Variants in PIGZ observed in about 807,000 individuals in gnomAD.
PIGZ encodes the protein phosphatidylinositol glycan anchor biosynthesis class Z (Gwada blood group), also known as GPI alpha-1,2-mannosyltransferase 4.
A neutral mutation model predicts 16.4 loss-of-function variants in PIGZ; 16 were observed. That is an observed-to-expected ratio of 0.97 (90% confidence interval 0.66 to 1.48). The LOEUF is 1.48. Among genes scored for constraint, PIGZ ranks in the 40% most tolerant of loss-of-function variants. The pLI is 0.00. For synonymous variants in PIGZ, 409 were observed against 338.4 expected (o/e 1.21, Z -2.29); for missense variants, 770 against 739.2 (o/e 1.04, Z -0.48).
At chr3:196,960,731 A>AAG (rs1208940748) in intron 1 of PIGZ, among the ~76,000 whole-genome samples, 13 of 103,238 alleles carry the variant, frequency 1.3e-4, no homozygotes, top group Admixed American at 8.2e-4. Flanking sequence ...AAAGAAAAGA[A>AAG]AGAAAGAGAA....
At chr3:196,959,590 C>T (rs1050906911) in intron 1 of PIGZ, among the ~76,000 whole-genome samples, 3 of 152,212 alleles carry the variant, frequency 2.0e-5, no homozygotes, top group African/African-American at 2.4e-5. Flanking sequence ...CCAACCAAAA[C>T]TCCCTTGAAA....
chr3:196,962,226 T>A (rs1446419563), intron 1 of PIGZ, among the ~76,000 whole-genome samples: 1 of 152,180 alleles, frequency 6.6e-6, no homozygotes, highest in East Asian at 1.9e-4. Context: ...GTTAATGGAT[T>A]TAGGGCTGTG....
At chr3:196,958,434 C>A (rs969795906) in intron 1 of PIGZ, among the ~76,000 whole-genome samples, 4 of 152,172 alleles carry the variant, frequency 2.6e-5, no homozygotes, top group Non-Finnish European at 4.4e-5. Flanking sequence ...AGTTCAAGAC[C>A]AGCCTGGCCA....
Position 196,947,961 on chromosome 3 carries a change from G to A in PIGZ, c.936C>T (p.His312=), listed in dbSNP as rs61729254. The A allele has an allele frequency of 1.5e-4, 242 of 1,611,268 alleles. 2 individuals carry two copies. The African/African-American group carries it at 1.6e-3, about 11-fold the overall frequency. ...TGACTGCCAGGTGAGTGAGCCGCGC[G>A]TGCGTGCCATGTCTCGCCAGGTTTT... ...NPQNLARHGT[H]ARLTHLAVNG... is the part of the protein sequence containing the mutation. The change falls in exon 3 of 3, where the codon CAC becomes CAT. Residue 312 remains histidine, a synonymous_variant. Coordinates refer to ENST00000412723, the MANE Select transcript of PIGZ (RefSeq NM_025163.4).
intron 1 of PIGZ, among the ~76,000 whole-genome samples, chr3:196,966,778 C>A (rs963646488): frequency 1.3e-5 from 2 of 152,238 alleles, no homozygotes; most frequent in African/African-American, 4.8e-5. Flanking sequence ...AACCACCCAC[C>A]TTAACCTAAT....
chr3:196,964,239 C>T (rs1321591371), intron 1 of PIGZ, among the ~76,000 whole-genome samples: 3 of 151,202 alleles, frequency 2.0e-5, no homozygotes, highest in East Asian at 1.9e-4. Context: ...TTAGTAGAGA[C>T]GAGGTTTCAC....
intron 2 of PIGZ, chr3:196,951,555 A>G (rs766050851): frequency 3.4e-5 from 18 of 524,742 alleles, no homozygotes; most frequent in Admixed American, 9.6e-5. Context: ...CTCATTCTGA[A>G]TGACCTGTAT....
chr3:196,947,712 G>C lies in PIGZ; in HGVS notation c.1185C>G (p.Leu395=). The C allele has an allele frequency of 6.2e-7, 1 of 1,613,352 alleles. No individual in the cohort carries two copies. The highest frequency in any genetic ancestry group is 8.5e-7 in the Non-Finnish European group (1 of 1,179,656). The change falls in exon 3 of 3, where the codon CTC becomes CTG. Residue 395 remains leucine (L), a synonymous_variant. Coordinates refer to ENST00000412723, the MANE Select transcript of PIGZ (RefSeq NM_025163.4). ...TACAAAGCAGGACCAGGGGGACCAG[G>C]AGGGGAATCAGGAACCGAGCCTCCT... ...SHQEARFLIP[L]LVPLVLLCSP...
At chr3:196,951,038 A>G (rs1362890152) in intron 2 of PIGZ, among the ~76,000 whole-genome samples, 2 of 152,216 alleles carry the variant, frequency 1.3e-5, no homozygotes, top group Non-Finnish European at 2.9e-5. Context: ...GAGCCACTGC[A>G]TCTGACTCCT....
rs114437158 is a variant in PIGZ at position 196,947,082 on chromosome 3, C to T, written c.*75G>A. On this transcript the variant is annotated 3_prime_UTR_variant, in exon 3 of 3. Coordinates refer to ENST00000412723, the MANE Select transcript of PIGZ (RefSeq NM_025163.4). ...ACGGGGTCCTGTCCCAGCGTCCCAGCCCAGCTACCCAAGTAGAAGGTGGGG... is the reference window on the plus strand; with the variant it reads ...ACGGGGTCCTGTCCCAGCGTCCCAGTCCAGCTACCCAAGTAGAAGGTGGGG... 2.6e-5 allele frequency: 36 copies of T among 1,393,656 alleles called. No individual in the cohort carries two copies. Among genetic ancestry groups the T allele is most frequent in the Non-Finnish European group, 3.4e-5 (35 of 1,028,398 alleles). The allele number at this position is 1,393,656 out of a possible 1,614,324, so 86.3% of individuals were successfully genotyped here.
intron 1 of PIGZ, among the ~76,000 whole-genome samples, chr3:196,955,647 G>A (rs1000261185): frequency 6.8e-6 from 1 of 146,976 alleles, no homozygotes; most frequent in Non-Finnish European, 1.5e-5. Flanking sequence ...CATGATCTTG[G>A]CTCACTGCAA....
Position 196,948,249 on chromosome 3 carries a change from A to C in PIGZ, c.648T>G (p.Leu216=). The change falls in exon 3 of 3, where the codon CTT becomes CTG. Residue 216 remains leucine (L), a synonymous_variant. Coordinates refer to ENST00000412723, the MANE Select transcript of PIGZ (RefSeq NM_025163.4). The part of the protein sequence containing the change: ...APGPRWRSWL[L]GGIVAAGFFN... ...AGAAGCCAGCAGCCACAATGCCTCC[A>C]AGAAGCCAGCTGCGCCACCGTGGAC... The C allele has an allele frequency of 6.2e-7, 1 of 1,614,110 alleles. No homozygotes were observed. Among genetic ancestry groups the C allele is most frequent in the Non-Finnish European group, 8.5e-7 (1 of 1,180,006 alleles).
chr3:196,963,991 T>C (rs1717819114), intron 1 of PIGZ, among the ~76,000 whole-genome samples: 1 of 152,218 alleles, frequency 6.6e-6, no homozygotes. Flanking sequence ...TAAGGAATAG[T>C]ATAACAATAA....
chr3:196,947,502 G>A lies in PIGZ; in HGVS notation c.1395C>T (p.Thr465=), dbSNP rs776991433. 24 of 1,613,606 alleles carry A rather than the reference G, an allele frequency of 1.5e-5. No homozygotes were observed. The highest frequency in any genetic ancestry group is 1.9e-5 in the Non-Finnish European group (23 of 1,180,014). The change falls in exon 3 of 3, where the codon ACC becomes ACT. Residue 465 remains threonine, a synonymous_variant. Transcript: ENST00000412723. Reference sequence around the variant, plus strand: ...GTAGGAGGTGCCGGGGGGGCATGTAGGTGTGAGTGAAGAGGAGTGTGTAGT... The same window carrying A: ...GTAGGAGGTGCCGGGGGGGCATGTAAGTGTGAGTGAAGAGGAGTGTGTAGT... ...PTHYTLLFTH[T]YMPPRHLLHL...
chr3:196,946,943 C>G lies in PIGZ; in HGVS notation c.*214G>C. The G allele has an allele frequency of 2.0e-6, 1 of 495,180 alleles. No homozygotes were observed. The highest frequency in any genetic ancestry group is 3.5e-6 in the Non-Finnish European group (1 of 282,792). The allele number at this position is 495,180 out of a possible 1,614,324, so 30.7% of individuals were successfully genotyped here. A position where few individuals can be genotyped will look rare whatever the true frequency, so the allele number is the denominator to read the frequency against. ...ACCTGGTCTTTGGGGACCTTGACAT[C>G]AAGACCGACAGGTCAAATCTTTGGT... On this transcript the variant is annotated 3_prime_UTR_variant, in exon 3 of 3. Transcript: ENST00000412723.
chr3:196,948,778 G>A, intron 2 of PIGZ, 93 bp from the exon 3 acceptor site: 1 of 935,772 alleles, frequency 1.1e-6, no homozygotes, highest in Non-Finnish European at 1.5e-6. Context: ...ACCCCTTGGT[G>A]TGTGTGCCCT....
chr3:196,960,723 A>T (rs1482757340), intron 1 of PIGZ, among the ~76,000 whole-genome samples: 1 of 138,576 alleles, frequency 7.2e-6, no homozygotes, highest in Admixed American at 7.4e-5. Flanking sequence ...AAGGAAAGAA[A>T]GAAAAGAAAG....
In PIGZ at chr3:196,948,216, C is replaced by T; in HGVS notation, c.681G>A (p.Arg227=). The part of the protein sequence containing the change: ...GGIVAAGFFN[R]PTFLAFAVVP... ...CCACAGCAAAGGCCAGAAAGGTGGG[C>T]CGGTTGAAGAAGCCAGCAGCCACAA... The change falls in exon 3 of 3, where the codon CGG becomes CGA. Residue 227 remains arginine, a synonymous_variant. Transcript: ENST00000412723. 1 of 1,614,160 alleles carries T rather than the reference C, an allele frequency of 6.2e-7. No homozygotes were observed. Among genetic ancestry groups the T allele is most frequent in the African/African-American group, 1.3e-5 (1 of 75,034 alleles).
At chr3:196,949,531 G>A (rs1717177008) in intron 2 of PIGZ, among the ~76,000 whole-genome samples, 1 of 152,228 alleles carries the variant, frequency 6.6e-6, no homozygotes, top group South Asian at 2.1e-4. Flanking sequence ...GAATTAGAGA[G>A]CTTCCAGACA....
Sources: allele counts gnomAD v4.1 joint callset (sites outside exome capture counted in the v4.1 genomes callset), GRCh38; gene constraint gnomAD v4.1.1; transcripts MANE v1.5; gene names NCBI Gene and HGNC (gene_info 2026-07-23, HGNC 2026-07-21).